Variants in RNF103 observed in about 807,000 individuals in gnomAD.
RNF103 encodes ring finger protein 103, also known as E3 ubiquitin-protein ligase RNF103.
A neutral mutation model predicts 66.2 loss-of-function variants in RNF103; 23 were observed. The observed-to-expected ratio is 0.35, with a 90% CI of 0.25 to 0.49. RNF103 has a LOEUF of 0.49. Ranked by LOEUF, RNF103 falls within the 20% of genes least tolerant of loss-of-function variation. RNF103 has a pLI of 0.98. For synonymous variants in RNF103, 297 were observed against 289.9 expected, an observed-to-expected ratio of 1.02 and a Z score of -0.25; for missense variants, 730 against 814.7, an observed-to-expected ratio of 0.90 and a Z score of 1.27.
At chr2:86,606,873 G>T (rs1416087928) in intron 3 of RNF103, among the ~76,000 whole-genome samples, 6 of 151,868 alleles carry the variant, frequency 4.0e-5, no homozygotes, top group Non-Finnish European at 5.9e-5. Context: ...GAACTCCTGG[G>T]CTCAAGCGAT....
At chr2:86,614,030 A>C (rs549353561) in intron 2 of RNF103, 1 of 152,296 alleles carries the variant, frequency 6.6e-6, no homozygotes, top group Admixed American at 6.5e-5. Context: ...ACCTGGCCTC[A>C]GGGTTCCTTC....
Position 86,622,656 on chromosome 2 carries a change from C to T in RNF103, c.226+5G>A. 6.2e-7 allele frequency: 1 copy of T among 1,613,984 alleles called. No individual in the cohort carries two copies. The highest frequency in any genetic ancestry group is 8.5e-7 in the Non-Finnish European group (1 of 1,179,978). On this transcript the variant is annotated splice_donor_5th_base_variant and intron_variant, in intron 1 of 3. Transcript: ENST00000237455. ...AGGGGACCCTAGGGGAAGCCCGATA[C>T]TCGCCTGACTTTTCCACCAGCTCCC... is the stretch of plus-strand genomic sequence containing the variant.
Position 86,612,153 on chromosome 2 carries a change from A to G in RNF103, c.482+6T>C, listed in dbSNP as rs1558685288. 1 of 1,594,108 alleles carries G rather than the reference A, an allele frequency of 6.3e-7. No homozygotes were observed. Among genetic ancestry groups the G allele is most frequent in the Non-Finnish European group, 8.6e-7 (1 of 1,167,412 alleles). ...TCAAATTCTAAGAATTGCCTAATCA[A>G]CTTACCTGGGATCACTGGAACAGTT... On this transcript the variant is annotated splice_donor_region_variant and intron_variant, in intron 3 of 3. Coordinates refer to ENST00000237455, the MANE Select transcript of RNF103 (RefSeq NM_005667.4).
In RNF103 at chr2:86,623,644, A is replaced by G; in HGVS notation, c.-758T>C. 8.8e-7 allele frequency: 1 copy of G among 1,137,678 alleles called. No individual in the cohort carries two copies. The highest frequency in any genetic ancestry group is 1.1e-6 in the Non-Finnish European group (1 of 916,894). 70.5% of individuals were successfully genotyped at this position (1,137,678 alleles called of 1,614,324 possible). ...CAGGATGGGGCGTCGCGGTCTCTGC[A>G]GATGGAATCGGTCTCGGAGGGAAAA... On this transcript the variant is annotated 5_prime_UTR_variant, in exon 1 of 4. Coordinates refer to ENST00000237455, the MANE Select transcript of RNF103 (RefSeq NM_005667.4).
In RNF103 at chr2:86,620,434, T is replaced by C. The variant is rs144309518; in HGVS notation, c.262A>G (p.Lys88Glu). 1.2e-6 allele frequency: 2 copies of C among 1,605,438 alleles called. No individual in the cohort carries two copies. The highest frequency in any genetic ancestry group is 1.3e-5 in the African/African-American group (1 of 74,836). The change falls in exon 2 of 4, where the codon AAG (lysine) becomes GAG (glutamate). Residue 88 changes from lysine to glutamate, a missense_variant. By Grantham distance (56) the Lys-to-Glu change is moderately conservative. Around this residue, in one of 3 missense-constraint regions of RNF103, gnomAD observed 327 missense variants for 369.8 expected, o/e 0.88. Coordinates refer to ENST00000237455, the MANE Select transcript of RNF103 (RefSeq NM_005667.4). ...ACCGATTCGGATGCTTCTTCTTCCT[T>C]GAGAGCAGAATAGAGCTCACCCTCC... is the stretch of plus-strand genomic sequence containing the variant. The part of the protein sequence containing the change: ...LMEGELYSAL[K>E]EEEASESVSS...
At chr2:86,621,741 A>C (rs1018687864) in intron 1 of RNF103, among the ~76,000 whole-genome samples, 3 of 152,240 alleles carry the variant, frequency 2.0e-5, no homozygotes, top group African/African-American at 7.2e-5. Flanking sequence ...ACAACAAAAA[A>C]GATAACCATC....
chr2:86,619,501 T>C (rs1046750583), intron 2 of RNF103, among the ~76,000 whole-genome samples: 2 of 152,188 alleles, frequency 1.3e-5, no homozygotes, highest in Non-Finnish European at 1.5e-5. Context: ...ATTTCCAAGC[T>C]TCAGCCATTC....
At chr2:86,606,008 C>A (rs1678530835) in intron 3 of RNF103, among the ~76,000 whole-genome samples, 1 of 152,092 alleles carries the variant, frequency 6.6e-6, no homozygotes, top group African/African-American at 2.4e-5. Context: ...TAACAACTAC[C>A]ACAATGCCTG....
chr2:86,606,529 A>G (rs1678559330), intron 3 of RNF103, among the ~76,000 whole-genome samples: 1 of 151,794 alleles, frequency 6.6e-6, no homozygotes, highest in Non-Finnish European at 1.5e-5. Context: ...TGGGCATGGC[A>G]ACGCGTGCCT....
chr2:86,619,670 T>C (rs1679149117), intron 2 of RNF103, among the ~76,000 whole-genome samples: 1 of 152,244 alleles, frequency 6.6e-6, no homozygotes, highest in Non-Finnish European at 1.5e-5. Flanking sequence ...CATTAAAATA[T>C]GTAAATGATA....
chr2:86,612,346 A>G, intron 2 of RNF103, 72 bp from the exon 3 acceptor site: 1 of 786,330 alleles, frequency 1.3e-6, no homozygotes, highest in East Asian at 2.5e-5. Flanking sequence ...TTACATCAAC[A>G]ATATAATTTC....
At chr2:86,619,632 TTTATG>T (rs999522783) in intron 2 of RNF103, among the ~76,000 whole-genome samples, 2 of 152,208 alleles carry the variant, frequency 1.3e-5, no homozygotes, top group Non-Finnish European at 2.9e-5. Context: ...ATTTATGAAA[TTTATG>T]TTAATATAAT....
At position 86,620,317 on chromosome 2, in the gene RNF103, CT is replaced by C. The variant is rs747191598; in HGVS notation, c.366+12del. Reference sequence around the variant, plus strand: ...GGGCTCTCGAATTATCAAATTATTACTGCTTTTCATACCTGAACCAGCCAGA... The same window carrying C: ...GGGCTCTCGAATTATCAAATTATTACGCTTTTCATACCTGAACCAGCCAGA... On this transcript the variant is annotated intron_variant, in intron 2 of 3. Coordinates refer to ENST00000237455, the MANE Select transcript of RNF103 (RefSeq NM_005667.4). 1 of 1,582,448 alleles carries C rather than the reference CT, an allele frequency of 6.3e-7. No homozygotes were observed. Among genetic ancestry groups the C allele is most frequent in the East Asian group, 2.2e-5 (1 of 44,512 alleles).
At chr2:86,608,384 G>T (rs1678654441) in intron 3 of RNF103, among the ~76,000 whole-genome samples, 1 of 151,454 alleles carries the variant, frequency 6.6e-6, no homozygotes, top group African/African-American at 2.4e-5. Flanking sequence ...CTACTTGGGG[G>T]GCTGAGACAC....
chr2:86,608,312 C>A (rs1413305399), intron 3 of RNF103, among the ~76,000 whole-genome samples: 1 of 151,792 alleles, frequency 6.6e-6, no homozygotes, highest in African/African-American at 2.4e-5. Context: ...CATGGTGAAA[C>A]GCTGTCTCTA....
At chr2:86,607,362 A>C (rs1678613809) in intron 3 of RNF103, among the ~76,000 whole-genome samples, 1 of 152,220 alleles carries the variant, frequency 6.6e-6, no homozygotes, top group Non-Finnish European at 1.5e-5. Flanking sequence ...TAATGATAAT[A>C]TGACTAATTT....
intron 2 of RNF103, among the ~76,000 whole-genome samples, chr2:86,615,538 A>T (rs1453310957): frequency 2.2e-5 from 3 of 137,258 alleles, no homozygotes; most frequent in African/African-American, 2.6e-5. Flanking sequence ...ATATATATAT[A>T]ATATATATAC....
intron 2 of RNF103, chr2:86,615,023 A>G (rs1002908050): frequency 1.0e-6 from 1 of 985,414 alleles, no homozygotes; most frequent in Non-Finnish European, 1.2e-6. Flanking sequence ...TGTTCACTGC[A>G]CAGGTATCTT....
At chr2:86,617,913 GA>G (rs1422872020) in intron 2 of RNF103, 1 of 976,190 alleles carries the variant, frequency 1.0e-6, no homozygotes, top group African/African-American at 1.7e-5. Context: ...TCCTGCCAGA[GA>G]TTGTTCTTTC....
Sources: gnomAD v4.1 joint callset for allele counts (sites outside exome capture counted in the v4.1 genomes callset) on GRCh38, gnomAD v4.1.1 for gene constraint, gnomAD v4.1.1 regional missense constraint, MANE v1.5 for transcripts, NCBI Gene and HGNC (gene_info 2026-07-23, HGNC 2026-07-21) for gene names.